C3orf20: variants seen among roughly 807,000 people sequenced by gnomAD.
The protein encoded by C3orf20 is uncharacterized protein C3orf20.
C3orf20 carries 76 observed loss-of-function variants against 88.3 expected under a neutral mutation model. The observed-to-expected ratio is 0.86, with a 90% CI of 0.72 to 1.04. The LOEUF (loss-of-function observed/expected upper bound fraction) is 1.04, where lower values mean the gene tolerates loss of function less well. Ranked by LOEUF, C3orf20 falls within the 50% of genes least tolerant of loss-of-function variation. The pLI, the probability that C3orf20 is intolerant of heterozygous loss-of-function variation, is 0.00. For missense variants in C3orf20, 1,056 were observed against 1,123.3 expected (o/e 0.94, Z 0.86); for synonymous variants, 436 against 437.4 (o/e 1.00, Z 0.04).
intron 9 of C3orf20, among the ~76,000 whole-genome samples, chr3:14,716,226 G>T (rs902497246): frequency 2.6e-5 from 4 of 152,222 alleles, no homozygotes; most frequent in Admixed American, 6.5e-5. Context: ...ACCAATCAGA[G>T]ATTGGAAGGA....
At chr3:14,742,714 T>G (rs1414488329) in intron 12 of C3orf20, among the ~76,000 whole-genome samples, 1 of 152,192 alleles carries the variant, frequency 6.6e-6, no homozygotes, top group East Asian at 1.9e-4. Flanking sequence ...AAAAAAAGGT[T>G]TAATTGGACT....
intron 12 of C3orf20, among the ~76,000 whole-genome samples, chr3:14,740,385 AT>A (rs2034866540): frequency 6.6e-6 from 1 of 152,228 alleles, no homozygotes; most frequent in Non-Finnish European, 1.5e-5. Context: ...GCTGTCTTAT[AT>A]GGGCATGGTT....
chr3:14,739,133 C>T (rs2034825040), intron 12 of C3orf20, among the ~76,000 whole-genome samples: 1 of 152,056 alleles, frequency 6.6e-6, no homozygotes. Context: ...AATCCTTTTC[C>T]AAAGGTTTTC....
In C3orf20 at chr3:14,703,189, C is replaced by T; in HGVS notation, c.805C>T (p.Pro269Ser). The T allele has an allele frequency of 6.2e-7, 1 of 1,614,166 alleles. No homozygotes were observed. The highest frequency in any genetic ancestry group is 8.5e-7 in the Non-Finnish European group (1 of 1,180,028). ...MPPLHRGVGT[P>S]ANSLEFSDPC... ...GCCCCTGCATCGAGGAGTGGGAACC[C>T]CTGCCAACAGCCTGGAGTTCAGCGA... is the stretch of plus-strand genomic sequence containing the variant. The change falls in exon 6 of 17, where the codon CCT becomes TCT. Residue 269 changes from proline (P) to serine (S), a missense_variant. Coordinates refer to ENST00000253697, the MANE Select transcript of C3orf20 (RefSeq NM_032137.5).
chr3:14,758,099 A>G (rs1424645445), intron 13 of C3orf20, among the ~76,000 whole-genome samples: 1 of 152,122 alleles, frequency 6.6e-6, no homozygotes, highest in Non-Finnish European at 1.5e-5. Flanking sequence ...GGCCCTGGGC[A>G]CCCAGCATGA....
Position 14,772,916 on chromosome 3 carries a change from G to C in C3orf20, c.*41G>C. The C allele has an allele frequency of 6.6e-7, 1 of 1,506,068 alleles. No homozygotes were observed. The highest frequency in any genetic ancestry group is 9.2e-7 in the Non-Finnish European group (1 of 1,083,686). The allele number at this position is 1,506,068 out of a possible 1,614,324, so 93.3% of individuals were successfully genotyped here. A position where few individuals can be genotyped will look rare whatever the true frequency, so the allele number is the denominator to read the frequency against. Reference sequence around the variant, plus strand: ...AGCCAAGTGAGCCAGGCCCCGGCCCGGGGTGCTGGGGCTTCTTGCCAGCCC... The same window carrying C: ...AGCCAAGTGAGCCAGGCCCCGGCCCCGGGTGCTGGGGCTTCTTGCCAGCCC... On this transcript the variant is annotated 3_prime_UTR_variant, in exon 17 of 17. Coordinates refer to ENST00000253697, the MANE Select transcript of C3orf20 (RefSeq NM_032137.5). This position sits in a 1 kb window ranked among gnomAD's most constrained non-coding sequence, Gnocchi z 4.2.
At chr3:14,718,826 T>C (rs2034035669) in intron 9 of C3orf20, among the ~76,000 whole-genome samples, 1 of 152,226 alleles carries the variant, frequency 6.6e-6, no homozygotes, top group Non-Finnish European at 1.5e-5. Context: ...TCTTCCCTGC[T>C]CAAGGATGGT....
At chr3:14,702,221 G>A (rs775776516) in intron 5 of C3orf20, among the ~76,000 whole-genome samples, 4 of 152,114 alleles carry the variant, frequency 2.6e-5, no homozygotes, top group Admixed American at 6.6e-5. Flanking sequence ...AGCAAAAGCA[G>A]AAATGCCTGA....
intron 10 of C3orf20, among the ~76,000 whole-genome samples, chr3:14,725,455 T>C (rs1303576643): frequency 6.6e-6 from 1 of 152,134 alleles, no homozygotes; most frequent in East Asian, 1.9e-4. Context: ...TCACTAAATA[T>C]TTCCATCAAG....
intron 12 of C3orf20, among the ~76,000 whole-genome samples, chr3:14,748,785 A>G (rs1012006056): frequency 2.0e-4 from 31 of 152,266 alleles, no homozygotes; most frequent in Admixed American, 1.6e-3. Flanking sequence ...ATTGAATTCT[A>G]ATTTCATATC....
intron 7 of C3orf20, among the ~76,000 whole-genome samples, chr3:14,707,483 G>C (rs79585922): frequency 1.3e-5 from 2 of 149,682 alleles, no homozygotes; most frequent in Non-Finnish European, 3.0e-5. Flanking sequence ...GTGTGTGTGT[G>C]TGTGTGTGTT....
intron 12 of C3orf20, among the ~76,000 whole-genome samples, chr3:14,736,677 G>A (rs544572577): frequency 3.3e-5 from 5 of 150,532 alleles, no homozygotes; most frequent in Admixed American, 1.3e-4. Context: ...AGTGATTCTC[G>A]TGCCTCAGCC....
intron 13 of C3orf20, 50 bp downstream of exon 13, chr3:14,757,724 TG>T (rs1233620596): frequency 6.5e-7 from 1 of 1,546,458 alleles, no homozygotes; most frequent in Non-Finnish European, 8.8e-7. Flanking sequence ...GCAGGGGTAG[TG>T]GGGCAGTCCG....
At chr3:14,719,485 AC>A (rs1342404970) in intron 9 of C3orf20, among the ~76,000 whole-genome samples, 1 of 152,242 alleles carries the variant, frequency 6.6e-6, no homozygotes, top group Admixed American at 6.5e-5. Context: ...CTGGGAGGAA[AC>A]AGAGAAGTTT....
intron 9 of C3orf20, among the ~76,000 whole-genome samples, chr3:14,718,991 A>G (rs375134856): frequency 1.3e-5 from 2 of 152,146 alleles, no homozygotes; most frequent in Non-Finnish European, 1.5e-5. Flanking sequence ...AAGATGGTGG[A>G]GTTTGGCCAT....
At chr3:14,726,540 T>C (rs1306547811) in intron 10 of C3orf20, among the ~76,000 whole-genome samples, 1 of 152,194 alleles carries the variant, frequency 6.6e-6, no homozygotes, top group Non-Finnish European at 1.5e-5. Flanking sequence ...AGACCAAGAC[T>C]CGGTCCCTTC....
At chr3:14,734,098 T>C (rs1054842789) in intron 12 of C3orf20, among the ~76,000 whole-genome samples, 19 of 152,246 alleles carry the variant, frequency 1.2e-4, no homozygotes, top group Non-Finnish European at 2.4e-4. Context: ...AATTTTTCTT[T>C]TCTCCTTGAT....
rs2035876722 is a variant in C3orf20 at position 14,772,187 on chromosome 3, T to C, written c.2616T>C (p.Ser872=). Residue 872 remains serine, a synonymous_variant, in exon 16 of 17, where the codon TCT becomes TCC. Transcript: ENST00000253697. This position sits in a 1 kb window ranked among gnomAD's most constrained non-coding sequence, Gnocchi z 4.2. ...AAGACTATGTGGAGAAGGAGTTATC[T>C]CTGGAGGCTGAGAAGTAGGTGACCA... The part of the protein sequence containing the change: ...ALEDYVEKEL[S]LEAEKTREPE... 5.0e-6 allele frequency: 8 copies of C among 1,614,254 alleles called. No homozygotes were observed. Among genetic ancestry groups the C allele is most frequent in the Non-Finnish European group, 6.8e-6 (8 of 1,180,054 alleles).
chr3:14,709,563 GT>G (rs1388480683), intron 7 of C3orf20, among the ~76,000 whole-genome samples: 1 of 152,106 alleles, frequency 6.6e-6, no homozygotes, highest in Non-Finnish European at 1.5e-5. Context: ...TTTGTTGAGT[GT>G]TTTTTAATCA....
Sources: allele counts gnomAD v4.1 joint callset (sites outside exome capture counted in the v4.1 genomes callset), GRCh38; gene constraint gnomAD v4.1.1; non-coding constraint Gnocchi (gnomAD v3.1); transcripts MANE v1.5; gene names NCBI Gene and HGNC (gene_info 2026-07-23, HGNC 2026-07-21).